Variants in MSANTD5 observed in about 807,000 individuals in gnomAD.
MSANTD5 encodes the protein Myb/SANT DNA binding domain containing 5.
At chr5:178,705,643 G>T in the MSANTD5 span, among the ~76,000 whole-genome samples, 1 of 151,996 alleles carries the variant, frequency 6.6e-6, no homozygotes, top group Non-Finnish European at 1.5e-5. Flanking sequence ...TCTGGGCCCC[G>T]TATCCCCAAC....
intron 2 of MSANTD5, 86 bp downstream of exon 2, chr5:178,696,011 G>A (rs1765408643): frequency 6.6e-6 from 1 of 152,180 alleles, no homozygotes; most frequent in Admixed American, 6.5e-5. Context: ...CCCTCTTGGG[G>A]CTTGGATGAG....
chr5:178,705,053 C>CA, the MSANTD5 span, among the ~76,000 whole-genome samples: 10 of 148,092 alleles, frequency 6.8e-5, no homozygotes, highest in African/African-American at 2.5e-4. Context: ...TTCTTCTTTT[C>CA]TTTTTTTTTT....
At chr5:178,697,402 C>T (rs192339735) in intron 1 of MSANTD5, among the ~76,000 whole-genome samples, 184 bp downstream of exon 1, 21 of 152,222 alleles carry the variant, frequency 1.4e-4, no homozygotes, top group Admixed American at 9.8e-4. Flanking sequence ...TGCAGTGAGC[C>T]GGGATCGCGC....
At chr5:178,702,050 A>G (rs1395494876), upstream of MSANTD5, among the ~76,000 whole-genome samples, 6 of 150,646 alleles carry the variant, frequency 4.0e-5, no homozygotes, top group Non-Finnish European at 8.9e-5. Context: ...TTTTAAAATA[A>G]TAAAAATTGC....
downstream of MSANTD5, among the ~76,000 whole-genome samples, chr5:178,692,119 C>T (rs1273126231): frequency 1.5e-5 from 2 of 132,162 alleles, 1 homozygote; most frequent in Admixed American, 1.5e-4. Flanking sequence ...GTGGCTCATG[C>T]CTGTAATCCC....
intron 1 of MSANTD5, among the ~76,000 whole-genome samples, chr5:178,697,264 C>A (rs1050388542): frequency 6.6e-6 from 1 of 151,104 alleles, no homozygotes; most frequent in African/African-American, 2.4e-5. Context: ...ACCATCCTGG[C>A]TAACACGGTG....
the MSANTD5 span, among the ~76,000 whole-genome samples, chr5:178,704,757 G>T: frequency 3.9e-5 from 6 of 152,170 alleles, no homozygotes; most frequent in African/African-American, 1.4e-4. Context: ...AGGAGTCACT[G>T]TTTTAGTGAC....
the MSANTD5 span, among the ~76,000 whole-genome samples, chr5:178,703,980 C>CAAAAA: frequency 1.7e-5 from 1 of 60,266 alleles, no homozygotes; most frequent in Non-Finnish European, 3.5e-5. Flanking sequence ...GACTCCGTCT[C>CAAAAA]AAAAAAAAAA....
chr5:178,694,090 G>A (rs1261677091), downstream of MSANTD5, among the ~76,000 whole-genome samples: 1 of 151,978 alleles, frequency 6.6e-6, no homozygotes, highest in Non-Finnish European at 1.5e-5. Context: ...GCCAAGGCGA[G>A]TGGATCACCT....
At chr5:178,697,325 G>A (rs1378562100) in intron 1 of MSANTD5, among the ~76,000 whole-genome samples, 5 of 151,654 alleles carry the variant, frequency 3.3e-5, no homozygotes, top group Admixed American at 6.6e-5. Context: ...GTGGTGGCGG[G>A]CGCCTGTAGT....
chr5:178,697,212 T>G (rs897038419), intron 1 of MSANTD5, among the ~76,000 whole-genome samples: 4 of 152,122 alleles, frequency 2.6e-5, no homozygotes, highest in African/African-American at 9.7e-5. Context: ...CCCAGCACTT[T>G]GGGAGGCCGA....
At chr5:178,700,157 C>G (rs1161618743), upstream of MSANTD5, among the ~76,000 whole-genome samples, 1 of 152,138 alleles carries the variant, frequency 6.6e-6, no homozygotes, top group Non-Finnish European at 1.5e-5. Flanking sequence ...GGCATGGGGG[C>G]CGTCTCCATC....
chr5:178,694,812 C>T (rs959645233), exon 4 of MSANTD5: 15 of 152,206 alleles, frequency 9.9e-5, no homozygotes, highest in Non-Finnish European at 2.1e-4. Context: ...GGGCTCCCAT[C>T]CGGGTACCTG....
At chr5:178,694,395 G>C (rs1037600817), downstream of MSANTD5, among the ~76,000 whole-genome samples, 2 of 151,804 alleles carry the variant, frequency 1.3e-5, no homozygotes, top group Non-Finnish European at 2.9e-5. Context: ...TACCTCTGGG[G>C]TAAAAGTTAT....
upstream of MSANTD5, chr5:178,697,825 C>G (rs1765436018): frequency 6.6e-6 from 1 of 152,204 alleles, no homozygotes; most frequent in Non-Finnish European, 1.5e-5. Flanking sequence ...CCCACCCAAC[C>G]TGGAGACTTT....
At chr5:178,702,748 C>T in the MSANTD5 span, among the ~76,000 whole-genome samples, 15 of 151,824 alleles carry the variant, frequency 9.9e-5, no homozygotes, top group South Asian at 2.1e-4. Context: ...CAGGTGCTTG[C>T]GACCACGCCC....
upstream of MSANTD5, among the ~76,000 whole-genome samples, chr5:178,698,348 G>A (rs1040133971): frequency 2.6e-5 from 4 of 152,144 alleles, no homozygotes; most frequent in Non-Finnish European, 4.4e-5. Context: ...CGGTGGGGAC[G>A]GAGAAGGAGT....
At chr5:178,700,438 T>G (rs1765464772), upstream of MSANTD5, among the ~76,000 whole-genome samples, 1 of 152,192 alleles carries the variant, frequency 6.6e-6, no homozygotes, top group African/African-American at 2.4e-5. Flanking sequence ...AGTCCTCTGG[T>G]TATTCTAACG....
chr5:178,702,093 A>AT (rs557834403), upstream of MSANTD5, among the ~76,000 whole-genome samples: 4 of 150,724 alleles, frequency 2.7e-5, no homozygotes, highest in South Asian at 2.1e-4. Context: ...AAAAAAAAAA[A>AT]AAATAAAAAA....
Sources: allele counts gnomAD v4.1 joint callset (sites outside exome capture counted in the v4.1 genomes callset), GRCh38; gene constraint gnomAD v4.1.1; transcripts MANE v1.5; gene names NCBI Gene and HGNC (gene_info 2026-07-23, HGNC 2026-07-21).